The following WDFY2 variants were observed in gnomAD, a reference collection of about 807,000 sequenced individuals.
WDFY2 encodes WD repeat and FYVE domain containing 2.
In WDFY2, 36 loss-of-function variants were observed where a neutral mutation model predicts 56.4. That is an observed-to-expected ratio of 0.64 (90% confidence interval 0.49 to 0.84). The LOEUF is 0.84. Ranked by LOEUF, WDFY2 falls within the 40% of genes least tolerant of loss-of-function variation. WDFY2 has a pLI of 0.00. For missense variants in WDFY2, 444 were observed against 512.2 expected (o/e 0.87, Z 1.29); for synonymous variants, 176 against 183.7 (o/e 0.96, Z 0.34).
At position 51,755,416 on chromosome 13, in the gene WDFY2, A is replaced by C; in HGVS notation, c.890A>C (p.Asn297Thr). ...AAGTGTGATCAGCCTTTCTTCTGGAACTTCAAGCAAATGTGGGACAGTAAG... is the reference window on the plus strand; with the variant it reads ...AAGTGTGATCAGCCTTTCTTCTGGACCTTCAAGCAAATGTGGGACAGTAAG... ...CQKCDQPFFW[N>T]FKQMWDSKKI... The change falls in exon 9 of 12, where the codon AAC becomes ACC. Residue 297 changes from asparagine (N) to threonine (T), a missense_variant. By Grantham distance (65) the Asn-to-Thr change is moderately conservative. Transcript: ENST00000298125. The C allele has an allele frequency of 6.2e-7, 1 of 1,614,220 alleles. No homozygotes were observed. Among genetic ancestry groups the C allele is most frequent in the Non-Finnish European group, 8.5e-7 (1 of 1,180,042 alleles).
chr13:51,711,101 A>G (rs1194248385), intron 4 of WDFY2, among the ~76,000 whole-genome samples: 2 of 139,684 alleles, frequency 1.4e-5, no homozygotes, highest in East Asian at 2.1e-4. Flanking sequence ...GTGTAGATCA[A>G]TGGAATAGAA....
At chr13:51,691,635 C>T (rs1956159780) in intron 3 of WDFY2, among the ~76,000 whole-genome samples, 1 of 151,968 alleles carries the variant, frequency 6.6e-6, no homozygotes, top group African/African-American at 2.4e-5. Flanking sequence ...TAGTGTGATG[C>T]CTCCAGCTTT....
chr13:51,737,197 T>C (rs550646099), intron 6 of WDFY2, among the ~76,000 whole-genome samples: 2 of 152,236 alleles, frequency 1.3e-5, no homozygotes, highest in African/African-American at 4.8e-5. Flanking sequence ...GGCATCACAT[T>C]AACAATAGTA....
At chr13:51,605,777 C>A (rs934986719) in intron 1 of WDFY2, among the ~76,000 whole-genome samples, 3 of 152,314 alleles carry the variant, frequency 2.0e-5, no homozygotes, top group Admixed American at 6.5e-5. Flanking sequence ...TTTGGTGCAT[C>A]TGAGAGAGCA....
chr13:51,621,662 C>T (rs1475327960), intron 1 of WDFY2, among the ~76,000 whole-genome samples: 3 of 152,028 alleles, frequency 2.0e-5, no homozygotes, highest in East Asian at 1.9e-4. Flanking sequence ...AATAAAGTGG[C>T]GACTGCCTCA....
intron 3 of WDFY2, among the ~76,000 whole-genome samples, chr13:51,676,151 A>G (rs1434484522): frequency 6.6e-6 from 1 of 152,120 alleles, no homozygotes; most frequent in African/African-American, 2.4e-5. Flanking sequence ...TCCTGCCCCA[A>G]ACTGCTCAGA....
At chr13:51,632,437 T>C (rs1169040543) in intron 1 of WDFY2, among the ~76,000 whole-genome samples, 1 of 152,196 alleles carries the variant, frequency 6.6e-6, no homozygotes, top group Admixed American at 6.5e-5. Flanking sequence ...GATTTGATCT[T>C]CTACCATTCA....
At chr13:51,638,429 C>T (rs1297599245) in intron 1 of WDFY2, among the ~76,000 whole-genome samples, 1 of 152,132 alleles carries the variant, frequency 6.6e-6, no homozygotes, top group Admixed American at 6.6e-5. Flanking sequence ...TAACTTTATT[C>T]TCTGCGTTTA....
Position 51,763,436 on chromosome 13 carries a change from G to C in WDFY2, c.*3667G>C, listed in dbSNP as rs1953651567. On this transcript the variant is annotated 3_prime_UTR_variant, in exon 12 of 12. Transcript: ENST00000298125. Reference sequence around the variant, plus strand: ...ACTTAAAATTCACCCTGCCCCGTTTGGCTGCGATTCCCAGGCTTACAGCAC... The same window carrying C: ...ACTTAAAATTCACCCTGCCCCGTTTCGCTGCGATTCCCAGGCTTACAGCAC... 6.6e-6 allele frequency: 1 copy of C among 152,186 alleles called. No individual in the cohort carries two copies. The highest frequency in any genetic ancestry group is 2.4e-5 in the African/African-American group (1 of 41,432). 9.4% of individuals were successfully genotyped at this position (152,186 alleles called of 1,614,324 possible). A position where few individuals can be genotyped will look rare whatever the true frequency, so the allele number is the denominator to read the frequency against.
chr13:51,729,522 T>C (rs1952677596), intron 6 of WDFY2, among the ~76,000 whole-genome samples: 1 of 150,936 alleles, frequency 6.6e-6, no homozygotes, highest in South Asian at 2.1e-4. Flanking sequence ...GAGAGCTGCC[T>C]TCCTCCAGCC....
At chr13:51,655,020 AAC>A (rs1256212677) in intron 1 of WDFY2, among the ~76,000 whole-genome samples, 16 of 152,150 alleles carry the variant, frequency 1.1e-4, no homozygotes, top group South Asian at 1.0e-3. Context: ...TGTTATTAGA[AAC>A]ACAGATGGTT....
At chr13:51,745,738 TAAAAAAAAA>T (rs34880965) in intron 7 of WDFY2, among the ~76,000 whole-genome samples, 13 of 86,336 alleles carry the variant, frequency 1.5e-4, no homozygotes, top group African/African-American at 2.7e-4. Flanking sequence ...ATCCTTCATT[TAAAAAAAAA>T]AAAAAAAAAA....
chr13:51,711,170 C>T (rs139460094), intron 4 of WDFY2, among the ~76,000 whole-genome samples: 1 of 151,992 alleles, frequency 6.6e-6, no homozygotes, highest in Admixed American at 6.6e-5. Flanking sequence ...ACAAACCTGA[C>T]AAAAACAAGA....
chr13:51,627,033 G>A lies in WDFY2; in HGVS notation c.138-33563G>A, dbSNP rs140249383. On this transcript the variant is annotated intron_variant, in intron 1 of 11. Transcript: ENST00000298125. ...AGGCATGCTGGCTGCTGTGAAGGGC[G>A]GGCAGCTTCAGATGTTGGCATGGGT... is the stretch of plus-strand genomic sequence containing the variant. Among the ~76,000 whole-genome samples the A allele has an allele frequency of 5.5e-3, 834 of 152,376 alleles. 1 individual carries two copies. The highest frequency in any genetic ancestry group is 8.8e-3 in the Non-Finnish European group (602 of 68,042).
chr13:51,680,711 G>T (rs1955963168), intron 3 of WDFY2, among the ~76,000 whole-genome samples: 1 of 152,178 alleles, frequency 6.6e-6, no homozygotes. Context: ...ATCCTCTTGT[G>T]GGAGATAAGA....
At position 51,695,845 on chromosome 13, in the gene WDFY2, C is replaced by T. The variant is rs972445505; in HGVS notation, c.280-7751C>T. Among the ~76,000 whole-genome samples, 7 of 152,238 alleles carry T rather than the reference C, an allele frequency of 4.6e-5. No homozygotes were observed. In the South Asian group the frequency reaches 6.2e-4, roughly 13 times the overall value. ...GTGGGCTCCACCCAGTTGGAGCTTC[C>T]GGGCTGCTTTGTTTACCTAAGCAAG... On this transcript the variant is annotated intron_variant, in intron 3 of 11. Transcript: ENST00000298125.
At chr13:51,731,982 A>T (rs889488983) in intron 6 of WDFY2, among the ~76,000 whole-genome samples, 6 of 152,074 alleles carry the variant, frequency 3.9e-5, no homozygotes, top group African/African-American at 9.7e-5. Context: ...ATCCCTAGGG[A>T]TTTAGGAAAC....
intron 1 of WDFY2, among the ~76,000 whole-genome samples, chr13:51,607,208 C>T (rs1033535471): frequency 1.3e-5 from 2 of 152,144 alleles, no homozygotes; most frequent in Non-Finnish European, 1.5e-5. Context: ...TGACTTAAAA[C>T]AACAATCATA....
chr13:51,612,925 T>G (rs1186487386), intron 1 of WDFY2, among the ~76,000 whole-genome samples: 1 of 152,200 alleles, frequency 6.6e-6, no homozygotes, highest in Non-Finnish European at 1.5e-5. Flanking sequence ...TTATTCATAG[T>G]TGAAAAATTC....
Sources: allele counts gnomAD v4.1 joint callset (sites outside exome capture counted in the v4.1 genomes callset), GRCh38; gene constraint gnomAD v4.1.1; transcripts MANE v1.5; gene names NCBI Gene and HGNC (gene_info 2026-07-23, HGNC 2026-07-21).